The following SCAPER variants were observed in gnomAD, a reference collection of about 807,000 sequenced individuals.
SCAPER encodes S phase cyclin A-associated protein in the endoplasmic reticulum.
A neutral mutation model predicts 182.2 loss-of-function variants in SCAPER; 98 were observed. The observed-to-expected ratio is 0.54, with a 90% CI of 0.46 to 0.64. The LOEUF is 0.64. Ranked by LOEUF, SCAPER falls within the 30% of genes least tolerant of loss-of-function variation. SCAPER has a pLI of 0.00. For missense variants in SCAPER, 1,432 were observed against 1,690.0 expected (o/e 0.85, Z 2.68); for synonymous variants, 605 against 564.6 (o/e 1.07, Z -1.01).
chr15:76,886,202 G>A (rs892793297), intron 1 of SCAPER, among the ~76,000 whole-genome samples: 6 of 152,138 alleles, frequency 3.9e-5, no homozygotes, highest in South Asian at 2.1e-4. Flanking sequence ...ACTCACAACC[G>A]GGCACAGTGG....
At chr15:76,840,076 C>T (rs1453667791) in intron 5 of SCAPER, among the ~76,000 whole-genome samples, 1 of 152,110 alleles carries the variant, frequency 6.6e-6, no homozygotes, top group Non-Finnish European at 1.5e-5. Context: ...AACATACTGA[C>T]TCATTATACT....
chr15:76,850,902 A>G (rs1234187778), intron 4 of SCAPER, among the ~76,000 whole-genome samples: 1 of 151,674 alleles, frequency 6.6e-6, no homozygotes, highest in African/African-American at 2.4e-5. Context: ...GAATATGGAT[A>G]GGAACATAGA....
chr15:76,538,971 C>T (rs1450075605), intron 23 of SCAPER, among the ~76,000 whole-genome samples: 1 of 151,836 alleles, frequency 6.6e-6, no homozygotes, highest in African/African-American at 2.4e-5. Flanking sequence ...TAAGTAGGTC[C>T]TATCTGTTCC....
chr15:76,761,085 G>A (rs951738405), intron 14 of SCAPER, among the ~76,000 whole-genome samples: 28 of 152,002 alleles, frequency 1.8e-4, no homozygotes, highest in Admixed American at 1.8e-3. Context: ...GTCATGTTGG[G>A]TTGTATATTT....
intron 23 of SCAPER, among the ~76,000 whole-genome samples, chr15:76,516,135 G>T (rs184518322): frequency 6.6e-6 from 1 of 150,700 alleles, no homozygotes; most frequent in African/African-American, 2.4e-5. Flanking sequence ...TTTTTTTTGC[G>T]TTATTCTTAG....
At chr15:76,764,467 C>T (rs2062994819) in intron 14 of SCAPER, among the ~76,000 whole-genome samples, 1 of 152,362 alleles carries the variant, frequency 6.6e-6, no homozygotes, top group East Asian at 1.9e-4. Context: ...CATGTGTGTG[C>T]ATGGCTATTT....
intron 24 of SCAPER, among the ~76,000 whole-genome samples, chr15:76,495,810 A>C (rs2040445597): frequency 6.6e-6 from 1 of 152,152 alleles, no homozygotes; most frequent in Non-Finnish European, 1.5e-5. Context: ...TAACTAAGAA[A>C]AGATCATTTA....
chr15:76,841,989 A>AT (rs1474250839), intron 4 of SCAPER, 58 bp from the exon 5 acceptor site: 3 of 1,449,906 alleles, frequency 2.1e-6, no homozygotes, highest in Non-Finnish European at 2.8e-6. Flanking sequence ...CAGGGACTGG[A>AT]TTTTTTATAA....
Position 76,832,683 on chromosome 15 carries a change from C to G in SCAPER, c.393+9051G>C, listed in dbSNP as rs1486255481. Among the ~76,000 whole-genome samples, 3 of 152,270 alleles carry G rather than the reference C, an allele frequency of 2.0e-5. No individual in the cohort carries two copies. In the East Asian group the frequency reaches 5.8e-4, roughly 29 times the overall value. On this transcript the variant is annotated intron_variant, in intron 5 of 31. Transcript: ENST00000563290. ...GAATCCTTTATGAACGGCTTAGCAC[C>G]ATCCCTTTGGTGCTGTCCTCATGAC...
intron 25 of SCAPER, among the ~76,000 whole-genome samples, chr15:76,465,892 C>G (rs2142993965): frequency 6.6e-6 from 1 of 152,138 alleles, no homozygotes; most frequent in Non-Finnish European, 1.5e-5. Flanking sequence ...TTGAATATAT[C>G]CCTCCACTCC....
At chr15:76,538,046 C>T (rs1255707758) in intron 23 of SCAPER, among the ~76,000 whole-genome samples, 1 of 151,534 alleles carries the variant, frequency 6.6e-6, no homozygotes, top group Non-Finnish European at 1.5e-5. Flanking sequence ...GAATGGTGAT[C>T]ATTAAAAAGT....
intron 23 of SCAPER, among the ~76,000 whole-genome samples, chr15:76,568,758 A>C (rs1161011130): frequency 6.6e-6 from 1 of 152,184 alleles, no homozygotes; most frequent in Non-Finnish European, 1.5e-5. Context: ...CCAAAGAACA[A>C]AGTGTTGGAC....
chr15:76,840,908 C>G (rs1267950224), intron 5 of SCAPER, among the ~76,000 whole-genome samples: 5 of 152,194 alleles, frequency 3.3e-5, no homozygotes, highest in Admixed American at 6.5e-5. Context: ...AATGACATCC[C>G]AATCCCACCC....
chr15:76,869,700 T>C (rs1389737070), intron 2 of SCAPER, among the ~76,000 whole-genome samples: 1 of 151,828 alleles, frequency 6.6e-6, no homozygotes, highest in South Asian at 2.1e-4. Context: ...GTATGAAAGT[T>C]CCCCAAAAAA....
At chr15:76,572,962 C>A (rs949019357) in intron 23 of SCAPER, among the ~76,000 whole-genome samples, 1 of 148,820 alleles carries the variant, frequency 6.7e-6, no homozygotes, top group Admixed American at 6.7e-5. Context: ...TGTCCACTGT[C>A]AGAATAGATT....
At chr15:76,535,225 T>C (rs1243402190) in intron 23 of SCAPER, among the ~76,000 whole-genome samples, 3 of 152,032 alleles carry the variant, frequency 2.0e-5, no homozygotes, top group Non-Finnish European at 4.4e-5. Context: ...GCTAAGAGTA[T>C]AAGAAATTCT....
At chr15:76,784,767 C>T (rs2064453618) in intron 8 of SCAPER, among the ~76,000 whole-genome samples, 1 of 152,040 alleles carries the variant, frequency 6.6e-6, no homozygotes, top group Non-Finnish European at 1.5e-5. Flanking sequence ...ACAAACCTGA[C>T]AAAAACAAGA....
chr15:76,718,778 CAT>C (rs1395694342), intron 17 of SCAPER, among the ~76,000 whole-genome samples: 2 of 152,054 alleles, frequency 1.3e-5, no homozygotes, highest in Non-Finnish European at 2.9e-5. Context: ...CCAAAGAAGT[CAT>C]AGTCAGTAGA....
intron 24 of SCAPER, among the ~76,000 whole-genome samples, chr15:76,474,261 A>G (rs1410571477): frequency 6.6e-6 from 1 of 152,228 alleles, no homozygotes; most frequent in Non-Finnish European, 1.5e-5. Flanking sequence ...TTCAAAAAAT[A>G]TCTAACTTCC....
Sources: allele counts gnomAD v4.1 joint callset (sites outside exome capture counted in the v4.1 genomes callset), GRCh38; gene constraint gnomAD v4.1.1; transcripts MANE v1.5; gene names NCBI Gene and HGNC (gene_info 2026-07-23, HGNC 2026-07-21).